The following SMC4 variants were observed in gnomAD, a reference collection of about 807,000 sequenced individuals.
SMC4 encodes structural maintenance of chromosomes protein 4.
Under a neutral mutation model 145.6 loss-of-function variants are expected in SMC4, and 87 were observed. The ratio of observed to expected loss-of-function variants is 0.60; its 90% CI spans 0.50 to 0.71. SMC4 has a LOEUF of 0.71. Ranked by LOEUF, SMC4 falls within the 30% of genes least tolerant of loss-of-function variation. The pLI is 0.00. For synonymous variants in SMC4, 558 were observed against 500.7 expected (o/e 1.11, Z -1.53); for missense variants, 1,447 against 1,537.1 (o/e 0.94, Z 0.98).
rs766355243 is a variant in SMC4 at position 160,404,411 on chromosome 3, C to T, written c.594C>T (p.His198=). The change falls in exon 5 of 24, where the codon CAC becomes CAT. Residue 198 remains histidine, a synonymous_variant. Coordinates refer to ENST00000357388, the MANE Select transcript of SMC4 (RefSeq NM_001002800.3). ...TACRDNTSVY[H]ISGKKKTFKD... is the part of the protein sequence containing the mutation. ...GCAGAGATAATACTTCTGTCTATCA[C>T]ATAAGTGGAAAGAAAAAGACATTTA... 4.3e-6 allele frequency: 7 copies of T among 1,612,088 alleles called. No individual in the cohort carries two copies. In the South Asian group the frequency reaches 4.4e-5, roughly 10 times the overall value.
Position 160,417,881 on chromosome 3 carries a change from G to C in SMC4, c.1596G>C (p.Glu532Asp). Residue 532 changes from glutamate (E) to aspartate (D), a missense_variant, in exon 11 of 24, where the codon GAG becomes GAC. By Grantham distance (45) the Glu-to-Asp change is conservative (BLOSUM62 2). Transcript: ENST00000357388. ...AGGAAGCTCTAATTGCAGCTTCTGA[G>C]ACTCTCAAAGAAAGGAAAGCTGCAA... ...KAKEALIAAS[E>D]TLKERKAAIR... 1 of 1,613,588 alleles carries C rather than the reference G, an allele frequency of 6.2e-7. No individual in the cohort carries two copies. Among genetic ancestry groups the C allele is most frequent in the South Asian group, 1.1e-5 (1 of 91,052 alleles).
chr3:160,402,699 A>C lies in SMC4; in HGVS notation c.342A>C (p.Pro114=). 6.2e-7 allele frequency: 1 copy of C among 1,608,864 alleles called. No homozygotes were observed. Among genetic ancestry groups the C allele is most frequent in the Non-Finnish European group, 8.5e-7 (1 of 1,178,710 alleles). Residue 114 remains proline, a synonymous_variant, in exon 4 of 24, where the codon CCA becomes CCC. Coordinates refer to ENST00000357388, the MANE Select transcript of SMC4 (RefSeq NM_001002800.3). ...FHKRFSCIIG[P]NGSGKSNVID... is the part of the protein sequence containing the mutation. ...AGCGCTTTTCCTGTATTATCGGGCC[A>C]AATGGCAGTGGCAAATCCAATGTTA... is the stretch of plus-strand genomic sequence containing the variant.
At chr3:160,408,061 A>G (rs1353134721) in intron 5 of SMC4, among the ~76,000 whole-genome samples, 1 of 152,224 alleles carries the variant, frequency 6.6e-6, no homozygotes, top group South Asian at 2.1e-4. Flanking sequence ...GATGATCAAG[A>G]TAAAAACTTA....
chr3:160,426,172 A>G lies in SMC4; in HGVS notation c.2577A>G (p.Leu859=), dbSNP rs970810520. 3.1e-6 allele frequency: 5 copies of G among 1,610,046 alleles called. No homozygotes were observed. Among genetic ancestry groups the G allele is most frequent in the African/African-American group, 1.3e-5 (1 of 74,738 alleles). Reference sequence around the variant, plus strand: ...CTGACAAAAAAAAGCAGAAATTGCTAGAAGAAAACGTTAGTGCTTTCAAAA... The same window carrying G: ...CTGACAAAAAAAAGCAGAAATTGCTGGAAGAAAACGTTAGTGCTTTCAAAA... The part of the protein sequence containing the change: ...TAPDKKKQKL[L]EENVSAFKTE... Residue 859 remains leucine, a synonymous_variant, in exon 17 of 24, where the codon CTA becomes CTG. Coordinates refer to ENST00000357388, the MANE Select transcript of SMC4 (RefSeq NM_001002800.3).
At chr3:160,419,611 C>A in intron 12 of SMC4, 68 bp downstream of exon 12, 2 of 1,393,800 alleles carry the variant, frequency 1.4e-6, no homozygotes, top group African/African-American at 1.5e-5. Context: ...TATTTTTTTG[C>A]CTTGACAACC....
At chr3:160,420,319 TTAAAGA>T (rs1411750006) in intron 12 of SMC4, among the ~76,000 whole-genome samples, 2 of 152,210 alleles carry the variant, frequency 1.3e-5, no homozygotes, top group Admixed American at 6.5e-5. Context: ...CCTTATTTTC[TTAAAGA>T]TAAACAGTTT....
Position 160,433,861 on chromosome 3 carries a change from C to A in SMC4, c.*52C>A. The A allele has an allele frequency of 7.1e-7, 1 of 1,412,710 alleles. No individual in the cohort carries two copies. Among genetic ancestry groups the A allele is most frequent in the Non-Finnish European group, 9.8e-7 (1 of 1,024,374 alleles). The allele number at this position is 1,412,710 out of a possible 1,614,324, so 87.5% of individuals were successfully genotyped here. A position where few individuals can be genotyped will look rare whatever the true frequency, so the allele number is the denominator to read the frequency against. ...GATTCAGTGTATTACTGATTTTTTT[C>A]TATTTGTAAAGGATTATGAGTTGTA... On this transcript the variant is annotated 3_prime_UTR_variant, in exon 24 of 24. Coordinates refer to ENST00000357388, the MANE Select transcript of SMC4 (RefSeq NM_001002800.3).
chr3:160,402,066 G>A lies in SMC4; in HGVS notation c.291G>A (p.Gly97=), dbSNP rs1473211657. 1 of 1,550,500 alleles carries A rather than the reference G, an allele frequency of 6.4e-7. No individual in the cohort carries two copies. Among genetic ancestry groups the A allele is most frequent in the Non-Finnish European group, 8.6e-7 (1 of 1,157,584 alleles). The change falls in exon 3 of 24, where the codon GGG becomes GGA. Residue 97 remains glycine, a synonymous_variant. Coordinates refer to ENST00000357388, the MANE Select transcript of SMC4 (RefSeq NM_001002800.3). Reference sequence around the variant, plus strand: ...ACCAGAACTTCAAATCCTATGCTGGGGAGAAAATTCTGGGACCTTTCCATA... The same window carrying A: ...ACCAGAACTTCAAATCCTATGCTGGAGAGAAAATTCTGGGACCTTTCCATA... The part of the protein sequence containing the change: ...IVNQNFKSYA[G]EKILGPFHKR...
intron 11 of SMC4, among the ~76,000 whole-genome samples, chr3:160,418,907 G>A (rs1008785180): frequency 6.6e-6 from 1 of 152,028 alleles, no homozygotes; most frequent in Non-Finnish European, 1.5e-5. Flanking sequence ...CGTTTCAGAG[G>A]TGTGCTTTTT....
At chr3:160,404,263 T>G in intron 4 of SMC4, 65 bp from the exon 5 acceptor site, 1 of 1,449,666 alleles carries the variant, frequency 6.9e-7, no homozygotes, top group Non-Finnish European at 9.4e-7. Flanking sequence ...AATGAGTGAA[T>G]TTTGAAGTAG....
intron 11 of SMC4, among the ~76,000 whole-genome samples, chr3:160,418,867 GT>G (rs1329205315): frequency 6.6e-6 from 1 of 151,142 alleles, no homozygotes; most frequent in Admixed American, 6.6e-5. Flanking sequence ...TGGCATTTTT[GT>G]ATAGCAATAG....
Position 160,428,844 on chromosome 3 carries a change from C to A in SMC4, c.2697C>A (p.Leu899=). Residue 899 remains leucine (L), a synonymous_variant, in exon 18 of 24, where the codon CTC becomes CTA. Transcript: ENST00000357388. Reference sequence around the variant, plus strand: ...TCGTAGAAATCAATAATCATAAACTCAAGGCCCAACAAGACAAACTTGATA... The same window carrying A: ...TCGTAGAAATCAATAATCATAAACTAAAGGCCCAACAAGACAAACTTGATA... The part of the protein sequence containing the change: ...NTIVEINNHK[L]KAQQDKLDKI... The A allele has an allele frequency of 6.2e-7, 1 of 1,606,558 alleles. No homozygotes were observed. The highest frequency in any genetic ancestry group is 8.5e-7 in the Non-Finnish European group (1 of 1,178,458).
intron 18 of SMC4, among the ~76,000 whole-genome samples, chr3:160,429,955 T>G (rs1048220359): frequency 6.6e-6 from 1 of 151,884 alleles, no homozygotes; most frequent in African/African-American, 2.4e-5. Context: ...GACGTCATGG[T>G]CCCCCTGCCT....
At chr3:160,401,146 T>TCC (rs1714581871) in intron 2 of SMC4, among the ~76,000 whole-genome samples, 181 bp downstream of exon 2, 1 of 151,996 alleles carries the variant, frequency 6.6e-6, no homozygotes, top group Non-Finnish European at 1.5e-5. Context: ...CGTGCAATTT[T>TCC]GGTGTAACGG....
intron 18 of SMC4, among the ~76,000 whole-genome samples, chr3:160,429,518 A>AT (rs1305497966): frequency 4.0e-5 from 6 of 150,516 alleles, no homozygotes; most frequent in African/African-American, 9.8e-5. Context: ...TAATTTTTGT[A>AT]TTTTTTTTGT....
chr3:160,408,240 C>T (rs566626386), intron 5 of SMC4, among the ~76,000 whole-genome samples: 1 of 152,254 alleles, frequency 6.6e-6, no homozygotes, highest in Admixed American at 6.5e-5. Flanking sequence ...TTTGAGTTTT[C>T]TGTAGTTGAT....
chr3:160,414,362 G>A lies in SMC4; in HGVS notation c.1122-5G>A, dbSNP rs755015528. The A allele has an allele frequency of 6.3e-7, 1 of 1,587,146 alleles. No homozygotes were observed. The highest frequency in any genetic ancestry group is 8.6e-7 in the Non-Finnish European group (1 of 1,157,776). ...TAATGACTTACAATATACTTGCTTT[G>A]CTAGGAAACTGAATAAAATTACAAA... On this transcript the variant is annotated splice_polypyrimidine_tract_variant and splice_region_variant and intron_variant, in intron 8 of 23. Coordinates refer to ENST00000357388, the MANE Select transcript of SMC4 (RefSeq NM_001002800.3).
intron 10 of SMC4, 112 bp from the exon 11 acceptor site, chr3:160,417,611 C>T (rs1560001356): frequency 1.2e-6 from 1 of 850,892 alleles, no homozygotes; most frequent in Admixed American, 2.6e-5. Context: ...TTTCTATATA[C>T]TGTGCTTATA....
In SMC4 at chr3:160,404,357, C is replaced by G; in HGVS notation, c.540C>G (p.Asn180Lys). ...KEGDDYEVIP[N>K]SNFYVSRTAC... is the part of the protein sequence containing the mutation. ...GGGATGATTATGAAGTCATTCCTAA[C>G]AGTAATTTCTATGTATCCAGAACGG... Residue 180 changes from asparagine (N) to lysine (K), a missense_variant, in exon 5 of 24, where the codon AAC becomes AAG. Physicochemically the swap from Asn to Lys is moderately conservative, Grantham distance 94. Transcript: ENST00000357388. The G allele has an allele frequency of 6.2e-7, 1 of 1,604,252 alleles. No homozygotes were observed.
Sources: gnomAD v4.1 joint callset for allele counts (sites outside exome capture counted in the v4.1 genomes callset) on GRCh38, gnomAD v4.1.1 for gene constraint, MANE v1.5 for transcripts, NCBI Gene and HGNC (gene_info 2026-07-23, HGNC 2026-07-21) for gene names.